The following ENDOV variants were observed in gnomAD, a reference collection of about 807,000 sequenced individuals.
The protein encoded by ENDOV is hEndoV.
A neutral mutation model predicts 39.4 loss-of-function variants in ENDOV; 37 were observed. That is an observed-to-expected ratio of 0.94 (90% CI 0.72 to 1.23). The LOEUF is 1.23. ENDOV is among the 50% of genes most tolerant of loss of function. ENDOV has a pLI of 0.00. For synonymous variants in ENDOV, 186 were observed against 163.4 expected, an observed-to-expected ratio of 1.14 and a Z score of -1.05; for missense variants, 441 against 375.7, an observed-to-expected ratio of 1.17 and a Z score of -1.44.
chr17:80,435,621 A>AT (rs968432837), intron 9 of ENDOV, among the ~76,000 whole-genome samples: 39 of 146,310 alleles, frequency 2.7e-4, no homozygotes, highest in Admixed American at 8.9e-4. Context: ...TGCCTGGCTA[A>AT]TTTTTTTTTT....
At chr17:80,435,818 G>A (rs998556522) in intron 9 of ENDOV, among the ~76,000 whole-genome samples, 11 of 150,384 alleles carry the variant, frequency 7.3e-5, no homozygotes, top group African/African-American at 2.4e-4. Context: ...GGGTTTCACC[G>A]TGTTAGCCAG....
At chr17:80,426,371 C>T (rs2082685071) in intron 7 of ENDOV, among the ~76,000 whole-genome samples, 1 of 152,154 alleles carries the variant, frequency 6.6e-6, no homozygotes, top group Non-Finnish European at 1.5e-5. Flanking sequence ...AATGGGGGGC[C>T]CGGAGGGTGG....
chr17:80,424,214 G>C (rs1474143296), intron 5 of ENDOV: 1 of 399,484 alleles, frequency 2.5e-6, no homozygotes, highest in East Asian at 3.6e-5. Flanking sequence ...AGCAGAGACT[G>C]TGTCTCTCAT....
chr17:80,427,728 C>T (rs1383155683), intron 7 of ENDOV: 11 of 1,289,320 alleles, frequency 8.5e-6, no homozygotes, highest in Non-Finnish European at 1.0e-5. Flanking sequence ...TAGTGTTGGT[C>T]TGCTCTCTCC....
intron 8 of ENDOV, 25 bp from the exon 9 acceptor site, chr17:80,429,748 G>C (rs752566489): frequency 6.3e-7 from 1 of 1,590,270 alleles, no homozygotes; most frequent in Admixed American, 1.8e-5. Flanking sequence ...ATCTGATGCT[G>C]TCCCTTTCTC....
At chr17:80,421,260 ATCCCGGGGAATCTTCCTATGGACCGGG>A (rs2081980783) in intron 2 of ENDOV, among the ~76,000 whole-genome samples, 1 of 150,886 alleles carries the variant, frequency 6.6e-6, no homozygotes, top group Non-Finnish European at 1.5e-5. Context: ...TATGAACTAG[ATCCCGGGGAATCTTCCTATGGACCGGG>A]TCCCGGGGAA....
chr17:80,422,300 A>T, intron 4 of ENDOV, 55 bp downstream of exon 4: 1 of 1,594,388 alleles, frequency 6.3e-7, no homozygotes, highest in Non-Finnish European at 8.6e-7. Context: ...GCGGGGGGAG[A>T]GGGCACCTCT....
chr17:80,428,578 C>A lies in ENDOV; in HGVS notation c.715-18C>A. 1 of 1,570,294 alleles carries A rather than the reference C, an allele frequency of 6.4e-7. No homozygotes were observed. Among genetic ancestry groups the A allele is most frequent in the Non-Finnish European group, 8.6e-7 (1 of 1,158,342 alleles). On this transcript the variant is annotated intron_variant, in intron 7 of 9. Transcript: ENST00000518137. ...TAGAGACCAGCTCAGCACCCAGCAG[C>A]ACGTCTGTCTCCCCCAGGCTGACAT... is the stretch of plus-strand genomic sequence containing the variant.
In ENDOV at chr17:80,419,513, C is replaced by T. The variant is rs570838741; in HGVS notation, c.229-2315C>T. 255 of 689,736 alleles carry T rather than the reference C, an allele frequency of 3.7e-4. No homozygotes were observed. The East Asian group carries it at 5.3e-3, about 14-fold the overall frequency. The allele number at this position is 689,736 out of a possible 1,614,324, so 42.7% of individuals were successfully genotyped here. A position where few individuals can be genotyped will look rare whatever the true frequency, so the allele number is the denominator to read the frequency against. On this transcript the variant is annotated intron_variant, in intron 2 of 9. Transcript: ENST00000518137. ...CTGGTGGAGCCTGTTGTGTGCTGGA[C>T]GCTGAGCAATGGCTAGTGTGTTCTG... is the stretch of plus-strand genomic sequence containing the variant.
chr17:80,432,243 C>T (rs1324661836), intron 9 of ENDOV, among the ~76,000 whole-genome samples: 1 of 152,084 alleles, frequency 6.6e-6, no homozygotes, highest in African/African-American at 2.4e-5. Context: ...GCGGTGGACA[C>T]TCGGTACACT....
At chr17:80,421,787 C>G (rs749408239) in intron 2 of ENDOV, 41 bp from the exon 3 acceptor site, 11 of 1,565,062 alleles carry the variant, frequency 7.0e-6, no homozygotes, top group East Asian at 2.3e-5. Flanking sequence ...AGCAGGTGGC[C>G]GAAGGCTGTG....
At chr17:80,421,537 G>A (rs1400857572) in intron 2 of ENDOV, among the ~76,000 whole-genome samples, 1 of 139,172 alleles carries the variant, frequency 7.2e-6, no homozygotes, top group Admixed American at 7.2e-5. Context: ...CGGGGTGGGG[G>A]TGCTGTTGCT....
chr17:80,418,559 T>C (rs1294460547), intron 2 of ENDOV: 1 of 152,172 alleles, frequency 6.6e-6, no homozygotes, highest in Non-Finnish European at 1.5e-5. Flanking sequence ...GAAAGGATCT[T>C]GGAACAGTCT....
At chr17:80,417,850 G>A (rs1465530045) in intron 2 of ENDOV, 1 of 152,186 alleles carries the variant, frequency 6.6e-6, no homozygotes, top group Non-Finnish European at 1.5e-5. Flanking sequence ...AGAGATACGT[G>A]TGTGAATGGA....
chr17:80,431,478 G>C (rs1435646112), intron 9 of ENDOV, among the ~76,000 whole-genome samples: 1 of 152,234 alleles, frequency 6.6e-6, no homozygotes, highest in Non-Finnish European at 1.5e-5. Context: ...GAGGGGCTCT[G>C]CGGGCACCTT....
intron 9 of ENDOV, chr17:80,430,268 C>T: frequency 6.7e-7 from 1 of 1,483,422 alleles, no homozygotes; most frequent in Non-Finnish European, 8.9e-7. Flanking sequence ...GGACTCGGAG[C>T]TGCAGCCTGC....
intron 9 of ENDOV, among the ~76,000 whole-genome samples, chr17:80,432,592 G>A (rs191503137): frequency 1.3e-5 from 2 of 152,236 alleles, no homozygotes; most frequent in South Asian, 4.1e-4. Flanking sequence ...CCGTGAGTCC[G>A]GGGCTTAGGC....
chr17:80,430,375 A>G (rs1568253116), intron 9 of ENDOV: 4 of 1,512,170 alleles, frequency 2.6e-6, no homozygotes, highest in Non-Finnish European at 3.5e-6. Context: ...TATTTCACAT[A>G]TTTGTTTGTT....
chr17:80,423,867 C>T, intron 5 of ENDOV: 1 of 540,342 alleles, frequency 1.9e-6, no homozygotes, highest in Non-Finnish European at 3.3e-6. Flanking sequence ...CCTCTCTGGT[C>T]CCCCTTGCCT....
Sources: allele counts gnomAD v4.1 joint callset (sites outside exome capture counted in the v4.1 genomes callset), GRCh38; gene constraint gnomAD v4.1.1; transcripts MANE v1.5; gene names NCBI Gene and HGNC (gene_info 2026-07-23, HGNC 2026-07-21).